DHRS12: variants seen among roughly 807,000 people sequenced by gnomAD.
DHRS12 encodes dehydrogenase/reductase SDR family member 12.
In DHRS12, 29 loss-of-function variants were observed where a neutral mutation model predicts 32.1. The ratio of observed to expected loss-of-function variants is 0.90; its 90% CI spans 0.67 to 1.23. DHRS12 has a LOEUF of 1.23. Among genes scored for constraint, DHRS12 ranks in the 50% most tolerant of loss-of-function variants. The pLI is 0.00. For missense variants in DHRS12, 330 were observed against 337.2 expected (o/e 0.98, Z 0.17); for synonymous variants, 150 against 135.9 (o/e 1.10, Z -0.72).
chr13:51,761,605 A>G, the DHRS12 span: 3 of 151,918 alleles, frequency 2.0e-5, no homozygotes, highest in African/African-American at 7.3e-5. Context: ...CCTCCCTATT[A>G]TTTTCCCTCT....
rs142119463 is a variant in DHRS12, at chr13:51,787,127, C to T, written c.301+2884G>A. Among the ~76,000 whole-genome samples, 27 of 152,158 alleles carry T rather than the reference C, an allele frequency of 1.8e-4. No individual in the cohort carries two copies. The East Asian group carries it at 2.3e-3, about 13-fold the overall frequency. On this transcript the variant is annotated intron_variant, in intron 4 of 8. Coordinates refer to ENST00000444610, the MANE Select transcript of DHRS12 (RefSeq NM_001377533.1). ...GAGAGGATGAATAAATATCAAAGCC[C>T]GAGAATTATTACGCTTCTCAGAGAG...
chr13:51,773,989 T>TG lies in DHRS12; in HGVS notation c.408dup (p.Asn137GlnfsTer2). On this transcript the variant is annotated frameshift_variant, in exon 6 of 9. Transcript: ENST00000444610. LOFTEE classifies it high-confidence loss of function. ...GGTGTTCTTTCGGACTGGAGATCAT[T>TG]GGTGTTCAGTTTCTGAACCAACATT... 1.2e-6 allele frequency: 2 copies of TG among 1,614,056 alleles called. No individual in the cohort carries two copies. Among genetic ancestry groups the TG allele is most frequent in the Non-Finnish European group, 1.7e-6 (2 of 1,179,940 alleles).
intron 2 of DHRS12, among the ~76,000 whole-genome samples, chr13:51,793,487 C>T (rs1955373976): frequency 6.6e-6 from 1 of 152,186 alleles, no homozygotes; most frequent in Non-Finnish European, 1.5e-5. Flanking sequence ...GTTTTCTCAC[C>T]TGAGACAAAT....
chr13:51,777,785 T>C (rs973498692), intron 4 of DHRS12, among the ~76,000 whole-genome samples: 1 of 152,154 alleles, frequency 6.6e-6, no homozygotes, highest in African/African-American at 2.4e-5. Context: ...AGGATGAGAG[T>C]GATGCCCTGA....
In DHRS12 at chr13:51,800,696, A is replaced by G. The variant is rs759314821; in HGVS notation, c.-8-1029T>C. ...CTGGTACAGCACAACTGCCAGTTAC[A>G]TGCTCTGGAACTCGGGGAAGTGGCC... On this transcript the variant is annotated intron_variant, in intron 1 of 8. Transcript: ENST00000444610. 3.3e-5 allele frequency among the ~76,000 whole-genome samples: 5 copies of G among 152,258 alleles called. 1 individual carries two copies. The highest frequency in any genetic ancestry group is 7.3e-5 in the Non-Finnish European group (5 of 68,046).
Position 51,769,250 on chromosome 13 carries a change from G to T in DHRS12, c.603C>A (p.Asp201Glu), listed in dbSNP as rs575301482. ...CGCCCTGGGCCTCGGAGCGCAGGCGGTCCCCGAACCTGGCGTGGAACCCCG... is the reference window on the plus strand; with the variant it reads ...CGCCCTGGGCCTCGGAGCGCAGGCGTTCCCCGAACCTGGCGTGGAACCCCG... ...AMPGFHARFG[D>E]RLRSEAQGAD... The change falls in exon 8 of 9, where the codon GAC (aspartate) becomes GAA (glutamate). Residue 201 changes from aspartate (D) to glutamate (E), a missense_variant. Physicochemically the swap from Asp to Glu is conservative, Grantham distance 45. Transcript: ENST00000444610. 48 of 1,590,902 alleles carry T rather than the reference G, an allele frequency of 3.0e-5. No homozygotes were observed. In the South Asian group the frequency reaches 5.0e-4, roughly 17 times the overall value.
chr13:51,770,970 C>A, intron 7 of DHRS12: 1 of 1,341,560 alleles, frequency 7.5e-7, no homozygotes, highest in Non-Finnish European at 9.5e-7. Context: ...AGGATGAATT[C>A]CAAGGCTTCT....
intron 8 of DHRS12, 35 bp from the exon 9 acceptor site, chr13:51,768,331 C>G (rs1158213545): frequency 1.3e-6 from 2 of 1,534,834 alleles, no homozygotes; most frequent in Non-Finnish European, 1.7e-6. Context: ...GAGGTGTGAG[C>G]TGCTGCAGCG....
chr13:51,758,060 T>C, the DHRS12 span: 1 of 467,884 alleles, frequency 2.1e-6, no homozygotes, highest in South Asian at 4.7e-5. Context: ...TAAAGGCAGA[T>C]CTGAGGAGCA....
At chr13:51,769,962 C>T (rs1414218593) in intron 7 of DHRS12, among the ~76,000 whole-genome samples, 1 of 152,132 alleles carries the variant, frequency 6.6e-6, no homozygotes. Flanking sequence ...CCCCATTTTC[C>T]CACAGACCTC....
At chr13:51,759,587 A>G in the DHRS12 span, among the ~76,000 whole-genome samples, 1 of 152,186 alleles carries the variant, frequency 6.6e-6, no homozygotes, top group South Asian at 2.1e-4. Context: ...AACTTTTTTG[A>G]TGAAAAAAAT....
intron 5 of DHRS12, chr13:51,776,356 A>C (rs941507153): frequency 3.3e-5 from 5 of 152,218 alleles, no homozygotes; most frequent in Admixed American, 2.6e-4. Flanking sequence ...TCCTTGGCTC[A>C]CAGCCACGTC....
downstream of DHRS12, chr13:51,766,984 G>C (rs1953770152): frequency 1.3e-5 from 2 of 152,208 alleles, no homozygotes; most frequent in Non-Finnish European, 2.9e-5. Flanking sequence ...CACAGTCTAA[G>C]CACAGCACAC....
intron 2 of DHRS12, among the ~76,000 whole-genome samples, chr13:51,796,655 C>T (rs1300865101): frequency 1.3e-5 from 2 of 152,212 alleles, no homozygotes; most frequent in East Asian, 1.9e-4. Context: ...CCAGGCAAAC[C>T]TCCTCCTGTC....
chr13:51,777,146 G>A, intron 4 of DHRS12, 25 bp from the exon 5 acceptor site: 2 of 1,613,760 alleles, frequency 1.2e-6, no homozygotes, highest in African/African-American at 1.3e-5. Flanking sequence ...AGCATCCCAT[G>A]AGGGGGCTGC....
intron 4 of DHRS12, among the ~76,000 whole-genome samples, chr13:51,777,909 G>A (rs1040704484): frequency 3.3e-5 from 5 of 152,206 alleles, no homozygotes; most frequent in African/African-American, 1.2e-4. Flanking sequence ...TACAAAAAAG[G>A]GAGAGTTTAA....
intron 2 of DHRS12, among the ~76,000 whole-genome samples, chr13:51,797,618 G>C (rs541434): frequency 6.6e-6 from 1 of 151,996 alleles, no homozygotes; most frequent in Non-Finnish European, 1.5e-5. Flanking sequence ...AGGACCATGC[G>C]GTCAAGCCTC....
intron 1 of DHRS12, chr13:51,803,548 C>T (rs1955851799): frequency 6.6e-6 from 1 of 152,456 alleles, no homozygotes; most frequent in Non-Finnish European, 1.5e-5. Context: ...CGCACCGTTC[C>T]CCAGAAGCAC....
intron 1 of DHRS12, among the ~76,000 whole-genome samples, chr13:51,802,462 A>T (rs1955805631): frequency 6.6e-6 from 1 of 152,142 alleles, no homozygotes; most frequent in Non-Finnish European, 1.5e-5. Flanking sequence ...AGGGATGGGG[A>T]GGAGGAAGCT....
Sources: allele counts gnomAD v4.1 joint callset (sites outside exome capture counted in the v4.1 genomes callset), GRCh38; gene constraint gnomAD v4.1.1; transcripts MANE v1.5; gene names NCBI Gene and HGNC (gene_info 2026-07-23, HGNC 2026-07-21).